The following MID1 variants were observed in gnomAD, a reference collection of about 807,000 sequenced individuals.
MID1 encodes the protein E3 ubiquitin-protein ligase Midline-1.
In MID1, 7 loss-of-function variants were observed where a neutral mutation model predicts 40.4. The ratio of observed to expected loss-of-function variants is 0.17; its 90% CI spans 0.10 to 0.33. The LOEUF (loss-of-function observed/expected upper bound fraction) is 0.33, where lower values mean the gene tolerates loss of function less well. Among genes scored for constraint, MID1 ranks in the 10% least tolerant of loss-of-function variants. MID1 has a pLI of 1.00. For synonymous variants in MID1, 229 were observed against 221.2 expected (o/e 1.04, Z -0.31); for missense variants, 367 against 558.5 (o/e 0.66, Z 3.46).
intron 1 of MID1, among the ~76,000 whole-genome samples, chrX:10,698,952 T>A (rs2043178287): frequency 8.9e-6 from 1 of 111,784 alleles, no homozygotes; most frequent in African/African-American, 3.2e-5. Context: ...TTCCTCCATG[T>A]ATCTACCTTC....
intron 1 of MID1, among the ~76,000 whole-genome samples, chrX:10,663,701 A>T (rs2042932045): frequency 9.0e-6 from 1 of 111,219 alleles, no homozygotes; most frequent in Non-Finnish European, 1.9e-5. Context: ...CCATTTTCTC[A>T]GTAGAATAAT....
intron 5 of MID1, among the ~76,000 whole-genome samples, chrX:10,481,867 G>A (rs1930348500): frequency 8.9e-6 from 1 of 112,347 alleles, no homozygotes; most frequent in African/African-American, 3.2e-5. Context: ...TTTTACTGCT[G>A]AGCCAACCAT....
At chrX:10,486,381 G>A (rs1224737095) in intron 4 of MID1, among the ~76,000 whole-genome samples, 1 of 112,002 alleles carries the variant, frequency 8.9e-6, no homozygotes, top group Non-Finnish European at 1.9e-5. Context: ...CCCACCATCC[G>A]TTCTTTAGAC....
chrX:10,517,985 C>T (rs1412446777), intron 3 of MID1, among the ~76,000 whole-genome samples: 14 of 112,012 alleles, frequency 1.2e-4, no homozygotes, highest in Non-Finnish European at 5.6e-5. Context: ...TGGCACCTAA[C>T]ACAGTGCAAC....
At chrX:10,793,460 G>A (rs1368688346) in intron 1 of MID1, among the ~76,000 whole-genome samples, 2 of 112,278 alleles carry the variant, frequency 1.8e-5, no homozygotes, top group Non-Finnish European at 3.8e-5. Flanking sequence ...TCTGTTCCCT[G>A]AAAGGACATT....
chrX:10,582,982 A>G (rs1398755293), intron 1 of MID1: 1 of 111,918 alleles, frequency 8.9e-6, no homozygotes, highest in Admixed American at 9.5e-5. Flanking sequence ...TGTTACTTTT[A>G]TGACACTGGA....
rs768675290 is a variant in MID1 at position 10,830,179 on chromosome X, C to T, written c.-187+3375G>A. Among the ~76,000 whole-genome samples, 36 of 112,218 alleles carry T rather than the reference C, an allele frequency of 3.2e-4. No individual in the cohort carries two copies. In the South Asian group the frequency reaches 4.8e-3, roughly 15 times the overall value. On this transcript the variant is annotated intron_variant, in intron 1 of 10. Coordinates refer to the MID1 transcript ENST00000380785. ...GTCAGTGAAAGCATGAATATCTTGA[C>T]GTATCAGTTACTTGTTCATTGCCCA...
chrX:10,509,600 G>A (rs867670886), intron 3 of MID1, among the ~76,000 whole-genome samples: 1 of 111,531 alleles, frequency 9.0e-6, no homozygotes, highest in Non-Finnish European at 1.9e-5. Flanking sequence ...CCCTACCTGG[G>A]TGGCAGAGCC....
At chrX:10,586,776 G>A (rs147644468) in intron 1 of MID1, among the ~76,000 whole-genome samples, 1,556 of 112,727 alleles carry the variant, frequency 0.014, 8 homozygotes, top group Non-Finnish European at 0.025. Flanking sequence ...TGGAAACCCC[G>A]TCTAGTTGTT....
rs976226819 is a variant in MID1, at chrX:10,829,872, G to A, written c.-187+3682C>T. Among the ~76,000 whole-genome samples, 3 of 111,596 alleles carry A rather than the reference G, an allele frequency of 2.7e-5. No individual in the cohort carries two copies. The Admixed American group carries it at 2.9e-4, about 11-fold the overall frequency. ...TGCCTACTTTATAAGAATTGTTACC[G>A]AAACTTGTACGCTAATAATTTCCAG... On this transcript the variant is annotated intron_variant, in intron 1 of 10. Coordinates refer to the MID1 transcript ENST00000380785.
intron 1 of MID1, among the ~76,000 whole-genome samples, chrX:10,699,277 T>C (rs1169661547): frequency 8.9e-6 from 1 of 112,538 alleles, no homozygotes; most frequent in Non-Finnish European, 1.9e-5. Context: ...CACAACAGAC[T>C]AAATTGACAA....
intron 1 of MID1, among the ~76,000 whole-genome samples, chrX:10,610,995 C>A (rs1387482362): frequency 8.9e-6 from 1 of 112,142 alleles, no homozygotes; most frequent in East Asian, 2.8e-4. Flanking sequence ...ATGTTTTCTG[C>A]ACTCAGGCAG....
intron 2 of MID1, among the ~76,000 whole-genome samples, chrX:10,560,709 A>C (rs1361473101): frequency 9.0e-6 from 1 of 111,487 alleles, no homozygotes; most frequent in African/African-American, 3.3e-5. Context: ...CAACTGCTCA[A>C]GGAAATAAGA....
intron 1 of MID1, among the ~76,000 whole-genome samples, chrX:10,809,370 C>T (rs915111763): frequency 6.3e-5 from 7 of 111,702 alleles, no homozygotes; most frequent in East Asian, 2.8e-4. Context: ...GACAGTGTGG[C>T]GATTCCTCAA....
At chrX:10,547,465 G>A (rs1422693763) in intron 2 of MID1, among the ~76,000 whole-genome samples, 1 of 106,298 alleles carries the variant, frequency 9.4e-6, no homozygotes, top group African/African-American at 3.4e-5. Context: ...CTAGCTACTC[G>A]GGAAGGCTGA....
At position 10,782,724 on chromosome X, in the gene MID1, TA is replaced by T. The variant is rs1238233158; in HGVS notation, c.-187+50829del. On this transcript the variant is annotated intron_variant, in intron 1 of 10. Transcript: ENST00000380785. Reference sequence around the variant, plus strand: ...TTTTAAAATTTTGTAGCTTTTAAAATAATTTTTTATACTTTTTCTAGTAATT... The same window carrying T: ...TTTTAAAATTTTGTAGCTTTTAAAATATTTTTTATACTTTTTCTAGTAATT... Among the ~76,000 whole-genome samples the T allele has an allele frequency of 9.8e-5, 11 of 112,737 alleles. No homozygotes were observed. The East Asian group carries it at 3.1e-3, about 31-fold the overall frequency.
chrX:10,657,692 T>G lies in MID1; in HGVS notation c.-186-37273A>C, dbSNP rs373900674. ...AATTTTTTTGTAATGTGTGACTATT[T>G]AAACATTATTTTACAGATTTTTATG... On this transcript the variant is annotated intron_variant, in intron 1 of 10. Coordinates refer to the MID1 transcript ENST00000380785. Among the ~76,000 whole-genome samples, 44 of 112,594 alleles carry G rather than the reference T, an allele frequency of 3.9e-4. 1 individual carries two copies. The highest frequency in any genetic ancestry group is 1.7e-3 in the East Asian group (6 of 3,615).
chrX:10,759,498 T>C (rs1010424236), intron 1 of MID1, among the ~76,000 whole-genome samples: 1 of 111,300 alleles, frequency 9.0e-6, no homozygotes, highest in African/African-American at 3.3e-5. Context: ...TCTTCCTTCC[T>C]TCCCCTTTGT....
chrX:10,622,359 T>A (rs140027397), upstream of MID1, among the ~76,000 whole-genome samples: 4,584 of 111,089 alleles, frequency 0.041, 96 homozygotes, highest in Middle Eastern at 0.11. Context: ...TTTCATCACC[T>A]CAAAGGTAAA....
Sources: allele counts gnomAD v4.1 joint callset (sites outside exome capture counted in the v4.1 genomes callset), GRCh38; gene constraint gnomAD v4.1.1; transcripts MANE v1.5; gene names NCBI Gene and HGNC (gene_info 2026-07-23, HGNC 2026-07-21).